SH3KBP1: variants seen among roughly 807,000 people sequenced by gnomAD.
SH3KBP1 encodes the protein SH3 domain containing kinase binding protein 1, also known as SH3 domain-containing kinase-binding protein 1.
SH3KBP1 carries 8 observed loss-of-function variants against 50.1 expected under a neutral mutation model. That is an observed-to-expected ratio of 0.16 (90% CI 0.09 to 0.29). The LOEUF is 0.29. Ranked by LOEUF, SH3KBP1 falls within the 10% of genes least tolerant of loss-of-function variation. The pLI, the probability that SH3KBP1 is intolerant of heterozygous loss-of-function variation, is 1.00. For missense variants in SH3KBP1, 377 were observed against 535.2 expected (o/e 0.70, Z 2.92); for synonymous variants, 227 against 218.6 (o/e 1.04, Z -0.34).
chrX:19,661,828 T>A (rs1009125508), intron 6 of SH3KBP1, among the ~76,000 whole-genome samples: 1 of 110,983 alleles, frequency 9.0e-6, no homozygotes, highest in Non-Finnish European at 1.9e-5. Flanking sequence ...GGTTTCACCA[T>A]GTTGGCCAGG....
chrX:19,556,960 C>T (rs1042469149), intron 13 of SH3KBP1, among the ~76,000 whole-genome samples: 1 of 112,004 alleles, frequency 8.9e-6, no homozygotes, highest in African/African-American at 3.2e-5. Flanking sequence ...ACATGAGCCA[C>T]CATGCCTTGC....
chrX:19,563,147 G>A (rs926648022), intron 13 of SH3KBP1, among the ~76,000 whole-genome samples: 6 of 111,941 alleles, frequency 5.4e-5, no homozygotes, highest in East Asian at 2.8e-4. Context: ...CAGCAGGACC[G>A]CCCTGTGCAA....
At chrX:19,603,794 C>T (rs5955823) in intron 9 of SH3KBP1, among the ~76,000 whole-genome samples, 2,467 of 111,481 alleles carry the variant, frequency 0.022, 66 homozygotes, top group African/African-American at 0.069. Flanking sequence ...CCCAAGCGAT[C>T]CCCCAAACTC....
At position 19,732,596 on chromosome X, in the gene SH3KBP1, T is replaced by TACACACACAC. The variant is rs60032683; in HGVS notation, c.286+13712_286+13721dup. ...ATTCCTTAATTTGGATAAAAATCCCTACACACACACACACACACACACACA... is the reference window on the plus strand; with the variant it reads ...ATTCCTTAATTTGGATAAAAATCCCTACACACACACACACACACACACACACACACACACA... On this transcript the variant is annotated intron_variant, in intron 3 of 17. Coordinates refer to ENST00000397821, the MANE Select transcript of SH3KBP1 (RefSeq NM_031892.3). 2.2e-3 allele frequency among the ~76,000 whole-genome samples: 202 copies of TACACACACAC among 90,745 alleles called. 2 individuals are homozygous for TACACACACAC. The highest frequency in any genetic ancestry group is 7.8e-3 in the African/African-American group (193 of 24,717). The allele number at this position is 90,745 out of a possible 115,157, so 78.8% of individuals were successfully genotyped here. A position where few individuals can be genotyped will look rare whatever the true frequency, so the allele number is the denominator to read the frequency against.
chrX:19,844,844 C>T (rs1375464950), intron 1 of SH3KBP1, among the ~76,000 whole-genome samples: 2 of 112,013 alleles, frequency 1.8e-5, no homozygotes, highest in Admixed American at 1.9e-4. Flanking sequence ...CTTTGGGAGG[C>T]CAAGATGGGC....
In SH3KBP1 at chrX:19,872,649, G is replaced by A. The variant is rs144631610; in HGVS notation, c.4+14658C>T. On this transcript the variant is annotated intron_variant, in intron 1 of 17. Transcript: ENST00000397821. ...AAATTAGCTGGACATGGTGGCGGGCGCCTGTAGTCCCAGCTACTCGGGAGG... is the reference window on the plus strand; with the variant it reads ...AAATTAGCTGGACATGGTGGCGGGCACCTGTAGTCCCAGCTACTCGGGAGG... 5.6e-3 allele frequency among the ~76,000 whole-genome samples: 609 copies of A among 109,634 alleles called. 3 individuals carry two copies. The highest frequency in any genetic ancestry group is 0.019 in the African/African-American group (580 of 30,023).
At chrX:19,554,800 A>C (rs1602453646) in intron 13 of SH3KBP1, among the ~76,000 whole-genome samples, 1 of 112,881 alleles carries the variant, frequency 8.9e-6, no homozygotes, top group East Asian at 2.8e-4. Context: ...ACAGAAAAAA[A>C]ATGTATCAAA....
chrX:19,783,050 C>T (rs970346153), intron 2 of SH3KBP1, among the ~76,000 whole-genome samples: 12 of 111,902 alleles, frequency 1.1e-4, no homozygotes, highest in African/African-American at 3.9e-4. Flanking sequence ...CCCAAGAGGT[C>T]GAGGTTGCAG....
chrX:19,788,508 G>T (rs1307359962), intron 2 of SH3KBP1, among the ~76,000 whole-genome samples: 1 of 110,819 alleles, frequency 9.0e-6, no homozygotes, highest in African/African-American at 3.3e-5. Context: ...CTCCAGAACT[G>T]CCAGACAATA....
At chrX:19,679,977 C>G (rs1479598672) in intron 6 of SH3KBP1, among the ~76,000 whole-genome samples, 1 of 111,858 alleles carries the variant, frequency 8.9e-6, no homozygotes, top group Non-Finnish European at 1.9e-5. Context: ...TACAATATCT[C>G]TCCTGGTGTA....
intron 2 of SH3KBP1, among the ~76,000 whole-genome samples, chrX:19,802,453 C>G (rs180824736): frequency 4.4e-4 from 49 of 111,404 alleles, no homozygotes; most frequent in Non-Finnish European, 7.2e-4. Flanking sequence ...AGGAACTTTC[C>G]TCCATCCACA....
intron 2 of SH3KBP1, among the ~76,000 whole-genome samples, chrX:19,757,734 G>A (rs1356762528): frequency 9.0e-6 from 1 of 110,610 alleles, no homozygotes; most frequent in Non-Finnish European, 1.9e-5. Flanking sequence ...CTGTCTCCCG[G>A]GCGTGCGTCC....
intron 8 of SH3KBP1, among the ~76,000 whole-genome samples, chrX:19,618,320 G>T (rs1347287217): frequency 2.0e-5 from 2 of 101,307 alleles, no homozygotes; most frequent in African/African-American, 7.6e-5. Context: ...GGAGGTGGAG[G>T]TTGCAGTGAG....
chrX:19,686,366 G>A lies in SH3KBP1; in HGVS notation c.521-2338C>T, dbSNP rs927393436. On this transcript the variant is annotated intron_variant, in intron 5 of 17. Transcript: ENST00000397821. ...ACATTATCCCATAAAATGTCCCCAT[G>A]TCAGGCCCAGAATGCCAGGTTACAC... Among the ~76,000 whole-genome samples, 3 of 111,582 alleles carry A rather than the reference G, an allele frequency of 2.7e-5. No individual in the cohort carries two copies. In the Admixed American group the frequency reaches 2.9e-4, roughly 11 times the overall value.
At chrX:19,704,035 G>A (rs1388505777) in intron 4 of SH3KBP1, among the ~76,000 whole-genome samples, 1 of 111,094 alleles carries the variant, frequency 9.0e-6, no homozygotes, top group African/African-American at 3.3e-5. Context: ...ACAGTGACAA[G>A]GGCCCAGTCT....
intron 9 of SH3KBP1, among the ~76,000 whole-genome samples, chrX:19,602,523 G>A (rs1437885495): frequency 8.9e-6 from 1 of 112,251 alleles, no homozygotes; most frequent in Non-Finnish European, 1.9e-5. Context: ...TTCTTTGCAT[G>A]TGAAACCACC....
At chrX:19,591,330 TC>T (rs1398545493) in intron 11 of SH3KBP1, among the ~76,000 whole-genome samples, 1 of 112,167 alleles carries the variant, frequency 8.9e-6, no homozygotes, top group Non-Finnish European at 1.9e-5. Context: ...AAATGTGTGA[TC>T]AATCAAATCC....
chrX:19,840,715 T>C (rs1213615103), intron 1 of SH3KBP1, among the ~76,000 whole-genome samples: 1 of 112,532 alleles, frequency 8.9e-6, no homozygotes, highest in Non-Finnish European at 1.9e-5. Context: ...AGTGGTACCC[T>C]TTGAGAAATT....
chrX:19,608,001 T>C lies in SH3KBP1; in HGVS notation c.942A>G (p.Arg314=). 2 of 1,211,598 alleles carry C rather than the reference T, an allele frequency of 1.7e-6. No homozygotes were observed. The highest frequency in any genetic ancestry group is 2.3e-4 in the Middle Eastern group (1 of 4,348). The change falls in exon 9 of 18, where the codon AGA becomes AGG. Residue 314 remains arginine (R), a synonymous_variant. Transcript: ENST00000397821. The part of the protein sequence containing the change: ...VGWWEGELNG[R]RGVFPDNFVK... ...CGAAGTTATCGGGGAACACGCCTCG[T>C]CTGCCGTTCAGCTCTCCTTCCCACC...
Sources: gnomAD v4.1 joint callset for allele counts (sites outside exome capture counted in the v4.1 genomes callset) on GRCh38, gnomAD v4.1.1 for gene constraint, MANE v1.5 for transcripts, NCBI Gene and HGNC (gene_info 2026-07-23, HGNC 2026-07-21) for gene names.